The following C3orf33 variants were observed in gnomAD, a reference collection of about 807,000 sequenced individuals.
C3orf33 encodes AP-1 activity suppressor.
C3orf33 carries 23 observed loss-of-function variants against 28.7 expected under a neutral mutation model. The ratio of observed to expected loss-of-function variants is 0.80; its 90% CI spans 0.58 to 1.13. The LOEUF (loss-of-function observed/expected upper bound fraction) is 1.13. C3orf33 is among the 50% of genes most tolerant of loss of function. The pLI is 0.00. For missense variants in C3orf33, 327 were observed against 353.4 expected, an observed-to-expected ratio of 0.93 and a Z score of 0.60; for synonymous variants, 119 against 120.5, an observed-to-expected ratio of 0.99 and a Z score of 0.08.
At chr3:155,773,764 G>C (rs1339439691) in intron 3 of C3orf33, among the ~76,000 whole-genome samples, 2 of 152,146 alleles carry the variant, frequency 1.3e-5, no homozygotes, top group Non-Finnish European at 2.9e-5. Context: ...TGATCTGGCT[G>C]GCTAAGCTCT....
At chr3:155,778,153 A>C (rs1750807691) in intron 2 of C3orf33, among the ~76,000 whole-genome samples, 1 of 151,598 alleles carries the variant, frequency 6.6e-6, no homozygotes, top group Non-Finnish European at 1.5e-5. Flanking sequence ...AAAAAAAAAA[A>C]AAAAAAAAAA....
chr3:155,779,546 C>T (rs1476730236), intron 2 of C3orf33, among the ~76,000 whole-genome samples: 1 of 152,160 alleles, frequency 6.6e-6, no homozygotes, highest in African/African-American at 2.4e-5. Context: ...CCGCCTGCCT[C>T]AGCCTCCCAA....
rs149889925 is a variant in C3orf33 at position 155,770,319 on chromosome 3, T to C, written c.323-2650A>G. Among the ~76,000 whole-genome samples, 620 of 152,240 alleles carry C rather than the reference T, an allele frequency of 4.1e-3. 5 individuals carry two copies. The highest frequency in any genetic ancestry group is 0.014 in the African/African-American group (575 of 41,542). ...GCCAAGTGCAGCCCACCAGGCCAAG[T>C]GGGCAGAATACCTCCTGTAGCAAGC... On this transcript the variant is annotated intron_variant, in intron 3 of 4. Transcript: ENST00000340171.
At chr3:155,788,773 G>A (rs2109270964) in intron 2 of C3orf33, among the ~76,000 whole-genome samples, 1 of 152,026 alleles carries the variant, frequency 6.6e-6, no homozygotes, top group South Asian at 2.1e-4. Flanking sequence ...ACAAGTCAAG[G>A]ATGTCCACTC....
chr3:155,774,127 T>A (rs1750668325), intron 3 of C3orf33, among the ~76,000 whole-genome samples: 1 of 152,222 alleles, frequency 6.6e-6, no homozygotes, highest in South Asian at 2.1e-4. Flanking sequence ...ATTAATTCAT[T>A]TGACAAATTT....
Position 155,765,124 on chromosome 3 carries a change from T to C in C3orf33, c.484-1206A>G, listed in dbSNP as rs915432482. ...ACAGGAGAAGTAAATTATCACTCTA[T>C]GTGTATAGCATAGTTTGGTCACCCA... is the stretch of plus-strand genomic sequence containing the variant. On this transcript the variant is annotated intron_variant, in intron 4 of 4. Transcript: ENST00000340171. Among the ~76,000 whole-genome samples the C allele has an allele frequency of 2.6e-5, 4 of 152,332 alleles. 1 individual carries two copies. In the South Asian group the frequency reaches 8.3e-4, roughly 32 times the overall value.
chr3:155,775,782 C>T lies in C3orf33; in HGVS notation c.241G>A (p.Gly81Arg). ...TTCTCAGTTATTCGGCGTAATCGTC[C>T]ACGTAGTTTAACATTTCTTCTTATA... ...EFIRRNVKLR[G>R]RLRRITENGL... The change falls in exon 3 of 5, where the codon GGA becomes AGA. Residue 81 changes from glycine to arginine, a missense_variant. Transcript: ENST00000340171. The T allele has an allele frequency of 6.3e-7, 1 of 1,595,766 alleles. No homozygotes were observed. Among genetic ancestry groups the T allele is most frequent in the South Asian group, 1.1e-5 (1 of 89,982 alleles).
chr3:155,775,643 A>T (rs879229310), intron 3 of C3orf33, 58 bp downstream of exon 3: 5 of 1,190,314 alleles, frequency 4.2e-6, no homozygotes, highest in Non-Finnish European at 5.8e-6. Flanking sequence ...TTTTATAAAT[A>T]ACTTCTAATA....
At chr3:155,802,665 GA>G (rs922984688) in intron 1 of C3orf33, 74 bp from the exon 2 acceptor site, 2 of 1,139,568 alleles carry the variant, frequency 1.8e-6, no homozygotes, top group African/African-American at 1.6e-5. Context: ...TTAGAAGGTA[GA>G]AAAAAAGAAG....
intron 2 of C3orf33, among the ~76,000 whole-genome samples, chr3:155,789,079 G>A (rs1204959918): frequency 1.3e-5 from 2 of 152,170 alleles, no homozygotes. Context: ...AGGTGTGGTG[G>A]CTCACGCCTG....
At chr3:155,796,249 CCT>C (rs1194310120) in intron 2 of C3orf33, among the ~76,000 whole-genome samples, 2 of 151,820 alleles carry the variant, frequency 1.3e-5, no homozygotes, top group Admixed American at 1.3e-4. Context: ...AGCCGACAAA[CCT>C]TTAGCCAGAC....
intron 2 of C3orf33, among the ~76,000 whole-genome samples, chr3:155,779,189 T>G (rs994227869): frequency 6.6e-6 from 1 of 151,848 alleles, no homozygotes; most frequent in African/African-American, 2.4e-5. Context: ...CCAAAAAAAG[T>G]TCAACCTAAG....
chr3:155,770,987 T>TATGTG (rs1750566712), intron 3 of C3orf33, among the ~76,000 whole-genome samples: 1 of 144,496 alleles, frequency 6.9e-6, no homozygotes, highest in African/African-American at 2.5e-5. Flanking sequence ...TGTGTGTGTG[T>TATGTG]GTGTGTTGAG....
chr3:155,791,784 G>T (rs1045720808), intron 2 of C3orf33, among the ~76,000 whole-genome samples: 1 of 151,854 alleles, frequency 6.6e-6, no homozygotes, highest in African/African-American at 2.4e-5. Context: ...CTGTCTTGTG[G>T]CTTAGGTCCC....
chr3:155,805,719 T>G (rs1751790234), intron 1 of C3orf33: 1 of 446,880 alleles, frequency 2.2e-6, no homozygotes, highest in African/African-American at 2.0e-5. Context: ...AGGAATACCG[T>G]GTCCCTAAAA....
intron 2 of C3orf33, among the ~76,000 whole-genome samples, chr3:155,784,998 C>G (rs1349230245): frequency 6.6e-6 from 1 of 151,390 alleles, no homozygotes; most frequent in Non-Finnish European, 1.5e-5. Flanking sequence ...ACTTTAAATC[C>G]AAACAAATAG....
At position 155,782,166 on chromosome 3, in the gene C3orf33, T is replaced by TA. The variant is rs58890324; in HGVS notation, c.175-6319dup. Among the ~76,000 whole-genome samples the TA allele has an allele frequency of 6.7e-3, 645 of 96,162 alleles. 3 individuals carry two copies. The highest frequency in any genetic ancestry group is 0.016 in the African/African-American group (419 of 26,176). 63.1% of individuals were successfully genotyped at this position (96,162 alleles called of 152,430 possible). ...CTGGGCGACAAAGCAAGACTCCGTC[T>TA]AAAAAAAAAAAAAAAAGATAAATTA... On this transcript the variant is annotated intron_variant, in intron 2 of 4. Transcript: ENST00000340171.
intron 2 of C3orf33, among the ~76,000 whole-genome samples, chr3:155,795,276 C>G (rs1751442932): frequency 6.6e-6 from 1 of 151,832 alleles, no homozygotes. Context: ...GCCAACATGG[C>G]AAAACCCTGT....
intron 2 of C3orf33, among the ~76,000 whole-genome samples, chr3:155,795,872 C>G (rs181839329): frequency 6.6e-6 from 1 of 152,096 alleles, no homozygotes; most frequent in African/African-American, 2.4e-5. Context: ...AGAAGAATTG[C>G]TTGAACCCAG....
Sources: allele counts gnomAD v4.1 joint callset (sites outside exome capture counted in the v4.1 genomes callset), GRCh38; gene constraint gnomAD v4.1.1; transcripts MANE v1.5; gene names NCBI Gene and HGNC (gene_info 2026-07-23, HGNC 2026-07-21).